USH1G: variants seen among roughly 807,000 people sequenced by gnomAD.
USH1G encodes USH1 protein network component sans, also known as pre-mRNA splicing regulator USH1G.
USH1G carries 27 observed loss-of-function variants against 31.9 expected under a neutral mutation model. The ratio of observed to expected loss-of-function variants is 0.85; its 90% CI spans 0.62 to 1.17. The LOEUF (loss-of-function observed/expected upper bound fraction) is 1.17, where lower values mean the gene tolerates loss of function less well. USH1G is among the 50% of genes most tolerant of loss of function. The probability of loss-of-function intolerance (pLI) is 0.00; values close to 1 mark genes in which losing one functional copy is unlikely to be tolerated. For missense variants in USH1G, 674 were observed against 638.9 expected, an observed-to-expected ratio of 1.05 and a Z score of -0.59; for synonymous variants, 266 against 283.2, an observed-to-expected ratio of 0.94 and a Z score of 0.61.
rs1180668182 is a variant in USH1G at position 74,921,767 on chromosome 17, C to A, written c.165-1096G>T. 1.3e-5 allele frequency among the ~76,000 whole-genome samples: 2 copies of A among 152,164 alleles called. No homozygotes were observed. The highest frequency in any genetic ancestry group is 1.3e-4 in the Admixed American group (2 of 15,288). On this transcript the variant is annotated intron_variant, in intron 1 of 2. Transcript: ENST00000614341. The surrounding 1 kb of genome is among the most constrained non-coding windows in gnomAD (Gnocchi z 4.6). The stretch of plus-strand genomic sequence containing the variant: ...AGCCCTCTTCCCCTCCTCTCATGAG[C>A]CTCTCTGAAGGGATGGCAGGGACAG...
rs1036463050 is a variant in USH1G at position 74,921,256 on chromosome 17, C to G, written c.165-585G>C. Among the ~76,000 whole-genome samples the G allele has an allele frequency of 6.6e-6, 1 of 150,734 alleles. No homozygotes were observed. Among genetic ancestry groups the G allele is most frequent in the Non-Finnish European group, 1.5e-5 (1 of 67,510 alleles). The stretch of plus-strand genomic sequence containing the variant: ...CAAGCCCGAGTGTGAGAGGAGGTGT[C>G]GGGCCTTGGCCTGGGCGGGGAGGGG... On this transcript the variant is annotated intron_variant, in intron 1 of 2. Coordinates refer to ENST00000614341, the MANE Select transcript of USH1G (RefSeq NM_173477.5). This position sits in a 1 kb window ranked among gnomAD's most constrained non-coding sequence, Gnocchi z 4.6.
chr17:74,920,391 C>A lies in USH1G; in HGVS notation c.445G>T (p.Glu149Ter), dbSNP rs1280625484. Residue 149 changes from glutamate to a stop codon, truncating the protein, a stop_gained, in exon 2 of 3, where the codon GAG becomes TAG. Coordinates refer to ENST00000614341, the MANE Select transcript of USH1G (RefSeq NM_173477.5). LOFTEE classifies it high-confidence loss of function. This position sits in a 1 kb window ranked among gnomAD's most constrained non-coding sequence, Gnocchi z 5.2. Reference protein sequence around the residue: ...AFREAERRIRECAKLQRRHHE... With the variant: ...AFREAERRIR ...TGCCTCCGCTGCAGCTTGGCGCACT[C>A]GCGGATGCGCCGCTCCGCCTCGCGG... 5 of 1,613,188 alleles carry A rather than the reference C, an allele frequency of 3.1e-6. No individual in the cohort carries two copies. Among genetic ancestry groups the A allele is most frequent in the Admixed American group, 1.7e-5 (1 of 60,018 alleles).
chr17:74,919,427 A>AC lies in USH1G; in HGVS notation c.1382+26_1382+27insG. 6.6e-7 allele frequency: 1 copy of AC among 1,524,878 alleles called. No homozygotes were observed. The highest frequency in any genetic ancestry group is 1.2e-5 in the South Asian group (1 of 85,198). The allele number at this position is 1,524,878 out of a possible 1,614,324, so 94.5% of individuals were successfully genotyped here. A position where few individuals can be genotyped will look rare whatever the true frequency, so the allele number is the denominator to read the frequency against. ...GGGGCCTTCCAACTCCTGCTCCTCC[A>AC]TCCCCCCCGCCAGGCTGGACACTCA... On this transcript the variant is annotated intron_variant, in intron 2 of 2. Coordinates refer to ENST00000614341, the MANE Select transcript of USH1G (RefSeq NM_173477.5). The surrounding 1 kb of genome is among the most constrained non-coding windows in gnomAD (Gnocchi z 4.5).
At position 74,919,635 on chromosome 17, in the gene USH1G, T is replaced by G; in HGVS notation, c.1201A>C (p.Met401Leu). The G allele has an allele frequency of 6.2e-7, 1 of 1,612,792 alleles. No homozygotes were observed. Among genetic ancestry groups the G allele is most frequent in the Non-Finnish European group, 8.5e-7 (1 of 1,180,016 alleles). ...CGCAGGAGGGCGGCAAAGTCCTCCA[T>G]GTGCAGAGAGGCCAGGAAGGTCTCC... is the stretch of plus-strand genomic sequence containing the variant. Reference protein sequence around the residue: ...PLETFLASLHMEDFAALLRQE... With the variant: ...PLETFLASLHLEDFAALLRQE... The change falls in exon 2 of 3, where the codon ATG (methionine) becomes CTG (leucine). Residue 401 changes from methionine to leucine, a missense_variant. Coordinates refer to ENST00000614341, the MANE Select transcript of USH1G (RefSeq NM_173477.5). The surrounding 1 kb of genome is among the most constrained non-coding windows in gnomAD (Gnocchi z 4.5).
In USH1G at chr17:74,917,929, G is replaced by A. The variant is rs1054371228; in HGVS notation, c.*144C>T. On this transcript the variant is annotated 3_prime_UTR_variant, in exon 3 of 3. Transcript: ENST00000614341. ...GCCACACCCTCAGCTTCAAGGTGCA[G>A]ACAGACTTTCAAAGGAGTCGCCCCA... is the stretch of plus-strand genomic sequence containing the variant. 17 of 1,060,226 alleles carry A rather than the reference G, an allele frequency of 1.6e-5. No individual in the cohort carries two copies. The African/African-American group carries it at 2.5e-4, about 16-fold the overall frequency. The allele number at this position is 1,060,226 out of a possible 1,614,324, so 65.7% of individuals were successfully genotyped here.
In USH1G at chr17:74,920,820, T is replaced by A; in HGVS notation, c.165-149A>T. 7.9e-7 allele frequency: 1 copy of A among 1,260,752 alleles called. No individual in the cohort carries two copies. The highest frequency in any genetic ancestry group is 1.1e-6 in the Non-Finnish European group (1 of 915,282). 78.1% of individuals were successfully genotyped at this position (1,260,752 alleles called of 1,614,324 possible). A position where few individuals can be genotyped will look rare whatever the true frequency, so the allele number is the denominator to read the frequency against. ...GAGATCTCTCCCACTCCAGGAGACC[T>A]GCAGGCCTGAGCCACCCAACAGGTG... On this transcript the variant is annotated intron_variant, in intron 1 of 2. Transcript: ENST00000614341. The surrounding 1 kb of genome is among the most constrained non-coding windows in gnomAD (Gnocchi z 5.2).
chr17:74,917,575 C>A lies in USH1G; in HGVS notation c.*498G>T, dbSNP rs569461974. 1 of 167,436 alleles carries A rather than the reference C, an allele frequency of 6.0e-6. No homozygotes were observed. The highest frequency in any genetic ancestry group is 5.7e-5 in the Admixed American group (1 of 17,666). The allele number at this position is 167,436 out of a possible 1,614,324, so 10.4% of individuals were successfully genotyped here. A position where few individuals can be genotyped will look rare whatever the true frequency, so the allele number is the denominator to read the frequency against. On this transcript the variant is annotated 3_prime_UTR_variant, in exon 3 of 3. Coordinates refer to ENST00000614341, the MANE Select transcript of USH1G (RefSeq NM_173477.5). ...GCTGAAGAGTCTGGCTGAGGAACTT[C>A]CCCTCTGGGGTGGACGGGAGGAGGG...
Position 74,919,338 on chromosome 17 carries a change from T to G in USH1G, c.1382+116A>C. 1 of 1,437,238 alleles carries G rather than the reference T, an allele frequency of 7.0e-7. No homozygotes were observed. Among genetic ancestry groups the G allele is most frequent in the African/African-American group, 1.4e-5 (1 of 69,870 alleles). The allele number at this position is 1,437,238 out of a possible 1,614,324, so 89.0% of individuals were successfully genotyped here. ...TTTATCATCGATGGCCTCATTTCGA[T>G]TTTATGAAATACAGTATCCCCCACC... is the stretch of plus-strand genomic sequence containing the variant. On this transcript the variant is annotated intron_variant, in intron 2 of 2. Transcript: ENST00000614341. This position sits in a 1 kb window ranked among gnomAD's most constrained non-coding sequence, Gnocchi z 4.5.
At position 74,919,811 on chromosome 17, in the gene USH1G, G is replaced by A. The variant is rs764976687; in HGVS notation, c.1025C>T (p.Pro342Leu). Residue 342 changes from proline (P) to leucine (L), a missense_variant, in exon 2 of 3, where the codon CCG becomes CTG. Coordinates refer to ENST00000614341, the MANE Select transcript of USH1G (RefSeq NM_173477.5). This position sits in a 1 kb window ranked among gnomAD's most constrained non-coding sequence, Gnocchi z 4.5. ...GGGGGAGCTCTGCAGCCGACCCCGC[G>A]GCGCTCCCACCCCATCCAGACCCCC... ...EDGGLDGVGA[P>L]RGRLQSSPSL... is the part of the protein sequence containing the mutation. 2 of 1,612,872 alleles carry A rather than the reference G, an allele frequency of 1.2e-6. No homozygotes were observed. Among genetic ancestry groups the A allele is most frequent in the East Asian group, 2.2e-5 (1 of 44,870 alleles).
Position 74,920,171 on chromosome 17 carries a change from C to T in USH1G, c.665G>A (p.Arg222Gln), listed in dbSNP as rs1003052325. The T allele has an allele frequency of 1.9e-6, 3 of 1,602,124 alleles. No homozygotes were observed. Among genetic ancestry groups the T allele is most frequent in the Admixed American group, 1.7e-5 (1 of 60,028 alleles). The change falls in exon 2 of 3, where the codon CGG (arginine) becomes CAG (glutamine). Residue 222 changes from arginine to glutamine, a missense_variant. Transcript: ENST00000614341. This position sits in a 1 kb window ranked among gnomAD's most constrained non-coding sequence, Gnocchi z 5.2. ...GKTKMQKKLE[R>Q]RKQGGEGTFK... is the part of the protein sequence containing the mutation. ...GGTGCCTTCGCCGCCCTGCTTGCGC[C>T]GCTCCAGCTTCTTCTGCATCTTGGT...
At position 74,918,088 on chromosome 17, in the gene USH1G, G is replaced by A; in HGVS notation, c.1383-12C>T. 6.2e-7 allele frequency: 1 copy of A among 1,614,028 alleles called. No homozygotes were observed. Among genetic ancestry groups the A allele is most frequent in the Non-Finnish European group, 8.5e-7 (1 of 1,179,944 alleles). On this transcript the variant is annotated splice_polypyrimidine_tract_variant and intron_variant, in intron 2 of 2. Coordinates refer to ENST00000614341, the MANE Select transcript of USH1G (RefSeq NM_173477.5). This position sits in a 1 kb window ranked among gnomAD's most constrained non-coding sequence, Gnocchi z 4.1. ...GAGCCCCCGGTTATCTGTGGAGGAA[G>A]AGACAGAAAGAAACAGATCTCACAT...
intron 1 of USH1G, 35 bp downstream of exon 1, chr17:74,922,875 A>C (rs768399553): frequency 2.7e-5 from 41 of 1,531,262 alleles, no homozygotes; most frequent in Non-Finnish European, 3.4e-5. Flanking sequence ...GGGTGGTCTC[A>C]GGGGCCTCAA....
In USH1G at chr17:74,923,202, C is replaced by T. The variant is rs1191902954; in HGVS notation, c.-129G>A. ...GGCAGGGGCCGGGGCCGCCAGCCCCCGCTGCCGCAGACGGAGGGTGCGGAG... is the reference window on the plus strand; with the variant it reads ...GGCAGGGGCCGGGGCCGCCAGCCCCTGCTGCCGCAGACGGAGGGTGCGGAG... On this transcript the variant is annotated 5_prime_UTR_variant, in exon 1 of 3. Transcript: ENST00000614341. This position sits in a 1 kb window ranked among gnomAD's most constrained non-coding sequence, Gnocchi z 5.3. 7.4e-6 allele frequency: 5 copies of T among 676,436 alleles called. No individual in the cohort carries two copies. Among genetic ancestry groups the T allele is most frequent in the Non-Finnish European group, 1.0e-5 (5 of 497,784 alleles). 41.9% of individuals were successfully genotyped at this position (676,436 alleles called of 1,614,324 possible).
chr17:74,920,930 C>T lies in USH1G; in HGVS notation c.165-259G>A, dbSNP rs1043034421. 1.3e-5 allele frequency among the ~76,000 whole-genome samples: 2 copies of T among 152,094 alleles called. No homozygotes were observed. Among genetic ancestry groups the T allele is most frequent in the Admixed American group, 6.5e-5 (1 of 15,278 alleles). ...GAAGGCGGGACTGGGGCGGGGCCTT[C>T]CCCAAGCTAACTGAGGGCTGGGAAT... On this transcript the variant is annotated intron_variant, in intron 1 of 2. Coordinates refer to ENST00000614341, the MANE Select transcript of USH1G (RefSeq NM_173477.5). This position sits in a 1 kb window ranked among gnomAD's most constrained non-coding sequence, Gnocchi z 5.2.
chr17:74,919,844 C>A lies in USH1G; in HGVS notation c.992G>T (p.Arg331Leu), dbSNP rs879066143. ...YLSSGLHGLG[R>L]EDGGLDGVGA... ...CACCCCATCCAGACCCCCATCCTCG[C>A]GGCCCAGTCCGTGCAGCCCACTGCT... The change falls in exon 2 of 3, where the codon CGC (arginine) becomes CTC (leucine). Residue 331 changes from arginine to leucine, a missense_variant. Coordinates refer to ENST00000614341, the MANE Select transcript of USH1G (RefSeq NM_173477.5). The surrounding 1 kb of genome is among the most constrained non-coding windows in gnomAD (Gnocchi z 4.5). 1 of 1,613,104 alleles carries A rather than the reference C, an allele frequency of 6.2e-7. No homozygotes were observed. The highest frequency in any genetic ancestry group is 1.7e-5 in the Admixed American group (1 of 60,032).
At position 74,921,242 on chromosome 17, in the gene USH1G, G is replaced by A. The variant is rs1314426416; in HGVS notation, c.165-571C>T. Among the ~76,000 whole-genome samples, 1 of 152,024 alleles carries A rather than the reference G, an allele frequency of 6.6e-6. No homozygotes were observed. Among genetic ancestry groups the A allele is most frequent in the African/African-American group, 2.4e-5 (1 of 41,386 alleles). On this transcript the variant is annotated intron_variant, in intron 1 of 2. Transcript: ENST00000614341. The surrounding 1 kb of genome is among the most constrained non-coding windows in gnomAD (Gnocchi z 4.6). ...AGGGCCAGCCCTGGCAAGCCCGAGTGTGAGAGGAGGTGTCGGGCCTTGGCC... is the reference window on the plus strand; with the variant it reads ...AGGGCCAGCCCTGGCAAGCCCGAGTATGAGAGGAGGTGTCGGGCCTTGGCC...
In USH1G at chr17:74,919,958, G is replaced by T. The variant is rs1240371085; in HGVS notation, c.878C>A (p.Ala293Asp). 1.2e-6 allele frequency: 2 copies of T among 1,611,618 alleles called. No homozygotes were observed. Among genetic ancestry groups the T allele is most frequent in the Admixed American group, 1.7e-5 (1 of 59,968 alleles). Residue 293 changes from alanine (A) to aspartate (D), a missense_variant, in exon 2 of 3, where the codon GCC becomes GAC. Transcript: ENST00000614341. This position sits in a 1 kb window ranked among gnomAD's most constrained non-coding sequence, Gnocchi z 4.5. ...TGAGTCGGTGCTGACCTCCGAGTGG[G>T]CAGGCTCGGCCGCCAGCGTGGCACG... ...VSRATLAAEP[A>D]HSEVSTDSGH...
In USH1G at chr17:74,917,510, A is replaced by G. The variant is rs2038882903; in HGVS notation, c.*563T>C. ...CTAGGTGAAGGAGGGGGAGCTGGCT[A>G]TGCTTGGGATGGGGTACAGACTGAA... On this transcript the variant is annotated 3_prime_UTR_variant, in exon 3 of 3. Transcript: ENST00000614341. 6.5e-6 allele frequency: 1 copy of G among 154,670 alleles called. No individual in the cohort carries two copies. The highest frequency in any genetic ancestry group is 6.3e-5 in the Admixed American group (1 of 15,892). The allele number at this position is 154,670 out of a possible 1,614,324, so 9.6% of individuals were successfully genotyped here. A position where few individuals can be genotyped will look rare whatever the true frequency, so the allele number is the denominator to read the frequency against.
At position 74,919,482 on chromosome 17, in the gene USH1G, G is replaced by T; in HGVS notation, c.1354C>A (p.Arg452Ser). The T allele has an allele frequency of 6.2e-7, 1 of 1,608,346 alleles. No homozygotes were observed. The highest frequency in any genetic ancestry group is 8.5e-7 in the Non-Finnish European group (1 of 1,178,404). Residue 452 changes from arginine to serine, a missense_variant, in exon 2 of 3, where the codon CGC becomes AGC. Coordinates refer to ENST00000614341, the MANE Select transcript of USH1G (RefSeq NM_173477.5). The surrounding 1 kb of genome is among the most constrained non-coding windows in gnomAD (Gnocchi z 4.5). ...AVRRRRQAMERPPALEDTEL is the reference protein window; with the variant it reads ...AVRRRRQAMESPPALEDTEL ...TCTGTGTCCTCCAGGGCCGGCGGGC[G>T]CTCCATCGCCTGCCGCCGCCTCCTC...
Sources: gnomAD v4.1 joint callset for allele counts (sites outside exome capture counted in the v4.1 genomes callset) on GRCh38, gnomAD v4.1.1 for gene constraint, Gnocchi (gnomAD v3.1) non-coding constraint, MANE v1.5 for transcripts, NCBI Gene and HGNC (gene_info 2026-07-23, HGNC 2026-07-21) for gene names.